The following NKAIN3 variants were observed in gnomAD, a reference collection of about 807,000 sequenced individuals.
NKAIN3 encodes the protein sodium/potassium transporting ATPase interacting 3, also known as sodium/potassium-transporting ATPase subunit beta-1-interacting protein 3.
NKAIN3 carries 25 observed loss-of-function variants against 30.2 expected under a neutral mutation model. The ratio of observed to expected loss-of-function variants is 0.83; its 90% CI spans 0.60 to 1.16. The LOEUF (loss-of-function observed/expected upper bound fraction) is 1.16, where lower values mean the gene tolerates loss of function less well. NKAIN3 is among the 50% of genes most tolerant of loss of function. NKAIN3 has a pLI of 0.00. For missense variants in NKAIN3, 225 were observed against 254.1 expected (o/e 0.89, Z 0.78); for synonymous variants, 91 against 89.6 (o/e 1.02, Z -0.09).
intron 1 of NKAIN3, among the ~76,000 whole-genome samples, chr8:62,553,386 C>A (rs1409659715): frequency 6.6e-6 from 1 of 152,046 alleles, no homozygotes. Context: ...ATATGCAAAC[C>A]ATTGTTACAT....
intron 1 of NKAIN3, among the ~76,000 whole-genome samples, chr8:62,463,083 T>C (rs1180522115): frequency 6.6e-6 from 1 of 152,248 alleles, no homozygotes; most frequent in East Asian, 1.9e-4. Context: ...TTATTTGTTC[T>C]ACCTTTTTGT....
At chr8:62,270,971 G>A (rs1295107037) in intron 1 of NKAIN3, among the ~76,000 whole-genome samples, 2 of 152,002 alleles carry the variant, frequency 1.3e-5, no homozygotes, top group Non-Finnish European at 2.9e-5. Context: ...TTAAAAATTG[G>A]TACTAAAAAC....
intron 3 of NKAIN3, among the ~76,000 whole-genome samples, chr8:62,671,874 T>C (rs1454338096): frequency 6.6e-6 from 1 of 152,104 alleles, no homozygotes; most frequent in Non-Finnish European, 1.5e-5. Flanking sequence ...ATATCATCTA[T>C]AGGAAGTTAA....
At chr8:62,289,806 G>A (rs1161910229) in intron 1 of NKAIN3, among the ~76,000 whole-genome samples, 1 of 152,104 alleles carries the variant, frequency 6.6e-6, no homozygotes, top group South Asian at 2.1e-4. Flanking sequence ...GATGGGGATG[G>A]CATTGAATCT....
chr8:62,465,642 A>G (rs1471461489), intron 1 of NKAIN3, among the ~76,000 whole-genome samples: 1 of 152,228 alleles, frequency 6.6e-6, no homozygotes, highest in Non-Finnish European at 1.5e-5. Flanking sequence ...GAGTTGAACA[A>G]TGTGAAGGTG....
intron 3 of NKAIN3, among the ~76,000 whole-genome samples, chr8:62,707,938 A>G (rs558125697): frequency 1.1e-4 from 16 of 152,176 alleles, no homozygotes; most frequent in African/African-American, 3.6e-4. Context: ...TTATTTGCCT[A>G]TATGTGGCTA....
intron 3 of NKAIN3, among the ~76,000 whole-genome samples, chr8:62,719,012 G>T (rs1814997317): frequency 6.6e-6 from 1 of 152,134 alleles, no homozygotes; most frequent in Non-Finnish European, 1.5e-5. Flanking sequence ...GGCAACACAG[G>T]CTACGAAAAG....
At chr8:62,997,780 G>A (rs1054419173) in intron 5 of NKAIN3, among the ~76,000 whole-genome samples, 1 of 151,164 alleles carries the variant, frequency 6.6e-6, no homozygotes, top group African/African-American at 2.4e-5. Context: ...AAGAGGAGGA[G>A]GAGGAACAAT....
At chr8:62,551,565 T>G (rs1809211458) in intron 1 of NKAIN3, among the ~76,000 whole-genome samples, 1 of 152,228 alleles carries the variant, frequency 6.6e-6, no homozygotes, top group African/African-American at 2.4e-5. Flanking sequence ...GCCCCTGACT[T>G]ACAAACTTTT....
intron 4 of NKAIN3, among the ~76,000 whole-genome samples, chr8:62,799,549 A>ATT (rs2130689464): frequency 6.6e-6 from 1 of 152,278 alleles, no homozygotes; most frequent in East Asian, 1.9e-4. Flanking sequence ...AAAATAGTAA[A>ATT]TGTTGATGTG....
chr8:62,270,879 A>G (rs1812757231), intron 1 of NKAIN3, among the ~76,000 whole-genome samples: 1 of 152,180 alleles, frequency 6.6e-6, no homozygotes, highest in South Asian at 2.1e-4. Flanking sequence ...CAAGAGCAGT[A>G]TTGAAGGGTT....
At chr8:62,963,803 A>G (rs1823634593) in intron 6 of NKAIN3, among the ~76,000 whole-genome samples, 1 of 152,144 alleles carries the variant, frequency 6.6e-6, no homozygotes, top group African/African-American at 2.4e-5. Context: ...TGGGGCGTGC[A>G]GGAGGGAGTT....
intron 4 of NKAIN3, among the ~76,000 whole-genome samples, chr8:62,885,269 C>G (rs1821110397): frequency 6.6e-6 from 1 of 152,172 alleles, no homozygotes; most frequent in African/African-American, 2.4e-5. Flanking sequence ...GTTGCTTAAT[C>G]TGTAAGTATT....
intron 1 of NKAIN3, among the ~76,000 whole-genome samples, chr8:62,296,812 A>G (rs1813845658): frequency 6.6e-6 from 1 of 152,058 alleles, no homozygotes; most frequent in African/African-American, 2.4e-5. Context: ...TTTCTTCTTC[A>G]TTGGCCTCCC....
rs1823912354 is a variant in NKAIN3 at position 62,974,986 on chromosome 8, C to T, written c.*9579C>T. Among the ~76,000 whole-genome samples, 1 of 152,204 alleles carries T rather than the reference C, an allele frequency of 6.6e-6. No individual in the cohort carries two copies. Among genetic ancestry groups the T allele is most frequent in the Admixed American group, 6.5e-5 (1 of 15,276 alleles). On this transcript the variant is annotated 3_prime_UTR_variant, in exon 7 of 7. Coordinates refer to ENST00000623646, the MANE Select transcript of NKAIN3 (RefSeq NM_001304533.3). Reference sequence around the variant, plus strand: ...ATTCATTCATTTGCATATGTTGAAACAGCCTTGCATCCCAGGGATGAAGCT... The same window carrying T: ...ATTCATTCATTTGCATATGTTGAAATAGCCTTGCATCCCAGGGATGAAGCT...
chr8:62,802,036 G>C (rs1563568606), intron 4 of NKAIN3, among the ~76,000 whole-genome samples: 1 of 152,128 alleles, frequency 6.6e-6, no homozygotes, highest in African/African-American at 2.4e-5. Context: ...AAGATGAAAT[G>C]ATTGAAATGA....
chr8:62,574,055 T>G (rs987969864), intron 1 of NKAIN3, among the ~76,000 whole-genome samples: 2 of 152,180 alleles, frequency 1.3e-5, no homozygotes, highest in Non-Finnish European at 2.9e-5. Context: ...CCGGAAGCTA[T>G]CATTCTGCTC....
chr8:62,729,618 A>C (rs879688346), intron 3 of NKAIN3, among the ~76,000 whole-genome samples: 5 of 152,052 alleles, frequency 3.3e-5, no homozygotes, highest in Non-Finnish European at 5.9e-5. Context: ...TTATATATAT[A>C]GTATCTTTAT....
At position 62,802,640 on chromosome 8, in the gene NKAIN3, G is replaced by T. The variant is rs188813630; in HGVS notation, c.471+55511G>T. ...CACTAAACATGGAAAGGAACAACCG[G>T]TACCAGCCACTGCAAAATCATGCCA... On this transcript the variant is annotated intron_variant, in intron 4 of 6. Transcript: ENST00000623646. 5.4e-3 allele frequency among the ~76,000 whole-genome samples: 815 copies of T among 152,266 alleles called. 3 individuals carry two copies. Among genetic ancestry groups the T allele is most frequent in the African/African-American group, 0.018 (754 of 41,554 alleles).
Sources: allele counts gnomAD v4.1 joint callset (sites outside exome capture counted in the v4.1 genomes callset), GRCh38; gene constraint gnomAD v4.1.1; transcripts MANE v1.5; gene names NCBI Gene and HGNC (gene_info 2026-07-23, HGNC 2026-07-21).